ASTN2: variants seen among roughly 807,000 people sequenced by gnomAD.
The protein encoded by ASTN2 is astrotactin-2.
ASTN2 carries 54 observed loss-of-function variants against 139.8 expected under a neutral mutation model. The ratio of observed to expected loss-of-function variants is 0.39; its 90% CI spans 0.31 to 0.48. The LOEUF is 0.48. Among genes scored for constraint, ASTN2 ranks in the 20% least tolerant of loss-of-function variants. ASTN2 has a pLI of 0.95. For missense variants in ASTN2, 1,565 were observed against 1,725.1 expected (o/e 0.91, Z 1.64); for synonymous variants, 756 against 719.5 (o/e 1.05, Z -0.81).
intron 10 of ASTN2, among the ~76,000 whole-genome samples, chr9:116,951,958 G>C (rs930036494): frequency 5.3e-5 from 8 of 152,164 alleles, no homozygotes; most frequent in Admixed American, 1.3e-4. Context: ...TGAGTAATGT[G>C]ACTATTTTTG....
intron 10 of ASTN2, among the ~76,000 whole-genome samples, chr9:116,908,461 C>A (rs1359362018): frequency 6.6e-6 from 1 of 152,296 alleles, no homozygotes; most frequent in Non-Finnish European, 1.5e-5. Flanking sequence ...TGGAGGCTAT[C>A]ATTTCCAACC....
chr9:116,661,385 C>T (rs1372019407), intron 16 of ASTN2, among the ~76,000 whole-genome samples: 1 of 152,094 alleles, frequency 6.6e-6, no homozygotes, highest in African/African-American at 2.4e-5. Flanking sequence ...AGCTATGATA[C>T]AAGGAAGCTT....
intron 3 of ASTN2, among the ~76,000 whole-genome samples, chr9:117,212,626 A>T (rs971884915): frequency 6.6e-6 from 1 of 152,144 alleles, no homozygotes; most frequent in African/African-American, 2.4e-5. Context: ...AAGTGGACAA[A>T]TTGTTCTGAA....
intron 19 of ASTN2, among the ~76,000 whole-genome samples, chr9:116,520,815 A>C (rs1445519360): frequency 6.6e-6 from 1 of 152,194 alleles, no homozygotes; most frequent in Admixed American, 6.5e-5. Context: ...TCAGGATAGA[A>C]AATTAATGTA....
intron 4 of ASTN2, among the ~76,000 whole-genome samples, chr9:117,097,173 G>A (rs929483060): frequency 4.6e-5 from 7 of 152,208 alleles, no homozygotes; most frequent in Admixed American, 2.0e-4. Context: ...CCTGTGCAGC[G>A]AGGATGGGAG....
intron 1 of ASTN2, among the ~76,000 whole-genome samples, chr9:117,302,012 T>C (rs1187037600): frequency 6.6e-6 from 1 of 150,490 alleles, no homozygotes; most frequent in Non-Finnish European, 1.5e-5. Context: ...CCCTGTCAGT[T>C]GTCTGTCTTC....
At chr9:117,189,452 C>G (rs1396410550) in intron 3 of ASTN2, among the ~76,000 whole-genome samples, 1 of 152,164 alleles carries the variant, frequency 6.6e-6, no homozygotes, top group Non-Finnish European at 1.5e-5. Context: ...GCTGCATCCC[C>G]CATACACCCA....
At chr9:117,259,182 C>T (rs897852848) in intron 2 of ASTN2, among the ~76,000 whole-genome samples, 1 of 152,132 alleles carries the variant, frequency 6.6e-6, no homozygotes, top group Non-Finnish European at 1.5e-5. Flanking sequence ...GGGGCTTCAC[C>T]TCTCTGTAGC....
chr9:116,940,945 C>A (rs980003471), intron 10 of ASTN2, among the ~76,000 whole-genome samples: 13 of 152,262 alleles, frequency 8.5e-5, no homozygotes, highest in African/African-American at 2.9e-4. Context: ...CAAACATTTA[C>A]CATTGTGTTA....
At chr9:116,452,929 T>G (rs1246593305) in intron 20 of ASTN2, among the ~76,000 whole-genome samples, 1 of 152,206 alleles carries the variant, frequency 6.6e-6, no homozygotes, top group Non-Finnish European at 1.5e-5. Context: ...CATCTGACCC[T>G]AAAGCCCTTC....
chr9:117,056,384 A>G (rs1300032763), intron 5 of ASTN2, among the ~76,000 whole-genome samples: 1 of 152,174 alleles, frequency 6.6e-6, no homozygotes, highest in Non-Finnish European at 1.5e-5. Context: ...ACTTCCATTC[A>G]TCTAGAAAAC....
At chr9:117,007,861 G>A (rs1837401541) in intron 7 of ASTN2, among the ~76,000 whole-genome samples, 1 of 152,180 alleles carries the variant, frequency 6.6e-6, no homozygotes, top group African/African-American at 2.4e-5. Context: ...AGCTAGGCCA[G>A]ATGTTCTCTG....
chr9:116,870,809 G>A lies in ASTN2; in HGVS notation c.1890-7076C>T, dbSNP rs186309803. Reference sequence around the variant, plus strand: ...CTGCTGTTAATAAATACCAGGAAAGGTCTGTGTCACTCATAGAGAGATGTG... The same window carrying A: ...CTGCTGTTAATAAATACCAGGAAAGATCTGTGTCACTCATAGAGAGATGTG... On this transcript the variant is annotated intron_variant, in intron 10 of 22. Transcript: ENST00000313400. Among the ~76,000 whole-genome samples, 6 of 152,280 alleles carry A rather than the reference G, an allele frequency of 3.9e-5. 1 individual carries two copies. The East Asian group carries it at 1.2e-3, about 29-fold the overall frequency.
chr9:116,995,773 C>T (rs923878676), intron 7 of ASTN2, among the ~76,000 whole-genome samples: 5 of 152,092 alleles, frequency 3.3e-5, no homozygotes, highest in South Asian at 2.1e-4. Flanking sequence ...TAAAATGAGA[C>T]GATAACACTA....
intron 13 of ASTN2, among the ~76,000 whole-genome samples, chr9:116,803,419 G>A (rs1480794435): frequency 2.8e-5 from 4 of 143,098 alleles, no homozygotes; most frequent in Non-Finnish European, 4.5e-5. Context: ...AGGCTCAAGT[G>A]ATGGTCCTGC....
intron 1 of ASTN2, among the ~76,000 whole-genome samples, chr9:117,328,703 T>G (rs2130844394): frequency 6.6e-6 from 1 of 152,316 alleles, no homozygotes; most frequent in South Asian, 2.1e-4. Flanking sequence ...ACAGGGTCAC[T>G]CAGCCAGGCT....
intron 1 of ASTN2, among the ~76,000 whole-genome samples, chr9:117,332,208 T>G (rs752090726): frequency 8.8e-4 from 134 of 152,228 alleles, no homozygotes; most frequent in Non-Finnish European, 1.6e-3. Context: ...ATCAGATATC[T>G]GCTCTGTCAG....
In ASTN2 at chr9:117,266,347, A is replaced by G. The variant is rs145225131; in HGVS notation, c.630+24979T>C. ...ACACACACACAAAAACATACAAACA[A>G]TCTGGTTACAAAATATATCTTCACC... is the stretch of plus-strand genomic sequence containing the variant. On this transcript the variant is annotated intron_variant, in intron 2 of 22. Coordinates refer to ENST00000313400, the MANE Select transcript of ASTN2 (RefSeq NM_001365068.1). Among the ~76,000 whole-genome samples the G allele has an allele frequency of 2.8e-3, 422 of 152,206 alleles. 7 individuals carry two copies. The highest frequency in any genetic ancestry group is 9.8e-3 in the African/African-American group (407 of 41,528).
In ASTN2 at chr9:117,298,624, T is replaced by C. The variant is rs140253691; in HGVS notation, c.443-7111A>G. Among the ~76,000 whole-genome samples the C allele has an allele frequency of 1.3e-3, 201 of 150,922 alleles. 1 individual carries two copies. Among genetic ancestry groups the C allele is most frequent in the African/African-American group, 4.7e-3 (192 of 41,192 alleles). ...ATATATTACTTCATATACATAGTTA[T>C]AGTATCCTCTTTTACTACTGTCTTG... On this transcript the variant is annotated intron_variant, in intron 1 of 22. Coordinates refer to ENST00000313400, the MANE Select transcript of ASTN2 (RefSeq NM_001365068.1).
Sources: allele counts gnomAD v4.1 joint callset (sites outside exome capture counted in the v4.1 genomes callset), GRCh38; gene constraint gnomAD v4.1.1; transcripts MANE v1.5; gene names NCBI Gene and HGNC (gene_info 2026-07-23, HGNC 2026-07-21).